Variants in CEACAM5 observed in about 807,000 individuals in gnomAD.
The protein encoded by CEACAM5 is cell adhesion molecule CEACAM5.
A neutral mutation model predicts 63.0 loss-of-function variants in CEACAM5; 52 were observed. The ratio of observed to expected loss-of-function variants is 0.83; its 90% confidence interval spans 0.66 to 1.04. CEACAM5 has a LOEUF of 1.04. CEACAM5 is among the 50% of genes least tolerant of loss of function. The probability of loss-of-function intolerance (pLI) is 0.00; values close to 1 mark genes in which losing one functional copy is unlikely to be tolerated. For synonymous variants in CEACAM5, 357 were observed against 351.3 expected (o/e 1.02, Z -0.18); for missense variants, 790 against 864.8 (o/e 0.91, Z 1.08).
intron 6 of CEACAM5, among the ~76,000 whole-genome samples, chr19:41,719,090 T>G (rs1346878344): frequency 6.6e-6 from 1 of 152,102 alleles, no homozygotes; most frequent in African/African-American, 2.4e-5. Flanking sequence ...TATGAGATTG[T>G]GGGCACAGCA....
rs1555817892 is a variant in CEACAM5, at chr19:41,729,891, C to A, written c.*744C>A. The A allele has an allele frequency of 2.6e-5, 4 of 152,140 alleles. No individual in the cohort carries two copies. The highest frequency in any genetic ancestry group is 9.7e-5 in the African/African-American group (4 of 41,442). 9.4% of individuals were successfully genotyped at this position (152,140 alleles called of 1,614,324 possible). A position where few individuals can be genotyped will look rare whatever the true frequency, so the allele number is the denominator to read the frequency against. On this transcript the variant is annotated 3_prime_UTR_variant, in exon 10 of 10. Transcript: ENST00000221992. ...ATTGTATGGTAATATAGTTATTGCA[C>A]AAGTTCAATAAAAATCTGCTCTTTG...
In CEACAM5 at chr19:41,708,741, C is replaced by T; in HGVS notation, c.10C>T (p.Pro4Ser). 1 of 1,610,926 alleles carries T rather than the reference C, an allele frequency of 6.2e-7. No individual in the cohort carries two copies. The highest frequency in any genetic ancestry group is 8.5e-7 in the Non-Finnish European group (1 of 1,178,404). Residue 4 changes from proline to serine, a missense_variant, in exon 1 of 10, where the codon CCC becomes TCC. By Grantham distance (74) the Pro-to-Ser change is moderately conservative. Transcript: ENST00000221992. MES[P>S]SAPPHRWCIP... ...GCAGACAGCAGAGACCATGGAGTCT[C>T]CCTCGGCCCCTCCCCACAGATGGTG...
At chr19:41,710,190 A>G in intron 2 of CEACAM5, 151 bp downstream of exon 2, 1 of 1,137,434 alleles carries the variant, frequency 8.8e-7, no homozygotes, top group Non-Finnish European at 1.3e-6. Flanking sequence ...CACAGAAGAG[A>G]CAAACTTCAA....
At chr19:41,711,060 G>T (rs868913000) in intron 2 of CEACAM5, among the ~76,000 whole-genome samples, 1 of 152,090 alleles carries the variant, frequency 6.6e-6, no homozygotes, top group Non-Finnish European at 1.5e-5. Flanking sequence ...GGTGGGTGGG[G>T]CTGTTTGTTG....
rs1227456183 is a variant in CEACAM5, at chr19:41,727,455, T to TTCC, written c.*36+108_*36+110dup. The TTCC allele has an allele frequency of 1.0e-5, 7 of 690,926 alleles. No individual in the cohort carries two copies. The African/African-American group carries it at 1.1e-4, about 11-fold the overall frequency. 42.8% of individuals were successfully genotyped at this position (690,926 alleles called of 1,614,324 possible). Reference sequence around the variant, plus strand: ...TCACCTGTATCTGGGACTGGATCTCTTCCTCCTACCCCCAAGCTCCTGCTT... The same window carrying TTCC: ...TCACCTGTATCTGGGACTGGATCTCTTCCTCCTCCTACCCCCAAGCTCCTGCTT... On this transcript the variant is annotated intron_variant, in intron 9 of 9. Transcript: ENST00000221992.
intron 2 of CEACAM5, among the ~76,000 whole-genome samples, chr19:41,710,408 C>A (rs1427011956): frequency 1.3e-5 from 2 of 152,136 alleles, no homozygotes; most frequent in African/African-American, 4.8e-5. Context: ...AGAAGCTCAG[C>A]CCCAGGGCTC....
At position 41,718,390 on chromosome 19, in the gene CEACAM5, G is replaced by T. The variant is rs1363971797; in HGVS notation, c.1492+8G>T. On this transcript the variant is annotated splice_region_variant and intron_variant, in intron 6 of 9. Coordinates refer to ENST00000221992, the MANE Select transcript of CEACAM5 (RefSeq NM_004363.6). Reference sequence around the variant, plus strand: ...AGACAATCACAGTCTCTGGTAAGTGGATCCCTGGACCGTTAGCAATATGTT... The same window carrying T: ...AGACAATCACAGTCTCTGGTAAGTGTATCCCTGGACCGTTAGCAATATGTT... 1 of 1,613,744 alleles carries T rather than the reference G, an allele frequency of 6.2e-7. No homozygotes were observed. Among genetic ancestry groups the T allele is most frequent in the African/African-American group, 1.3e-5 (1 of 74,922 alleles).
At position 41,729,963 on chromosome 19, in the gene CEACAM5, G is replaced by A. The variant is rs1393611125; in HGVS notation, c.*816G>A. Among the ~76,000 whole-genome samples the A allele has an allele frequency of 2.0e-5, 3 of 152,136 alleles. No homozygotes were observed. The highest frequency in any genetic ancestry group is 4.4e-5 in the Non-Finnish European group (3 of 68,018). ...ACATTGGTTATATTACCAAGACTTT[G>A]ACTAGAATGTCGTATTTGAGGATAT... On this transcript the variant is annotated 3_prime_UTR_variant, in exon 10 of 10. Coordinates refer to ENST00000221992, the MANE Select transcript of CEACAM5 (RefSeq NM_004363.6).
At chr19:41,709,541 C>T (rs1202633714) in intron 1 of CEACAM5, 139 bp from the exon 2 acceptor site, 2 of 772,298 alleles carry the variant, frequency 2.6e-6, no homozygotes, top group African/African-American at 1.7e-5. Context: ...TAGTAGGACA[C>T]ACACACACAC....
chr19:41,710,030 C>T lies in CEACAM5; in HGVS notation c.415C>T (p.Arg139Trp), dbSNP rs200369485. ...GAATGAAGAAGCAACTGGCCAGTTC[C>T]GGGTATACCGTGAGTGATTCCCCCA... ...LVNEEATGQFRVYPELPKPSI... is the reference protein window; with the variant it reads ...LVNEEATGQFWVYPELPKPSI... The change falls in exon 2 of 10, where the codon CGG (arginine) becomes TGG (tryptophan). Residue 139 changes from arginine to tryptophan, a missense_variant. Arg to Trp is a moderately radical substitution (Grantham distance 101). Transcript: ENST00000221992. 1.4e-4 allele frequency: 221 copies of T among 1,598,610 alleles called. 1 individual carries two copies. In the East Asian group the frequency reaches 2.8e-3, roughly 20 times the overall value.
intron 2 of CEACAM5, among the ~76,000 whole-genome samples, chr19:41,713,170 T>TGGC (rs1227360244): frequency 3.3e-5 from 5 of 152,130 alleles, no homozygotes; most frequent in Non-Finnish European, 5.9e-5. Flanking sequence ...CTGGGCGTGG[T>TGGC]GGCATGCACC....
intron 7 of CEACAM5, 99 bp from the exon 8 acceptor site, chr19:41,720,823 T>C (rs1421247762): frequency 6.8e-7 from 1 of 1,478,134 alleles, no homozygotes; most frequent in African/African-American, 1.4e-5. Context: ...TAACACAGGA[T>C]TGGGACAGGA....
chr19:41,720,890 C>T (rs374510475), intron 7 of CEACAM5, 32 bp from the exon 8 acceptor site: 1 of 1,611,482 alleles, frequency 6.2e-7, no homozygotes, highest in Non-Finnish European at 8.5e-7. Flanking sequence ...CCTCTGATGA[C>T]ATCACCTGTG....
chr19:41,725,249 T>G (rs2072682697), intron 8 of CEACAM5, among the ~76,000 whole-genome samples: 1 of 152,208 alleles, frequency 6.6e-6, no homozygotes, highest in African/African-American at 2.4e-5. Flanking sequence ...ATTTGTCCAT[T>G]TCATCTAGGT....
chr19:41,725,288 T>C (rs2072683275), intron 8 of CEACAM5, among the ~76,000 whole-genome samples: 1 of 152,206 alleles, frequency 6.6e-6, no homozygotes, highest in Non-Finnish European at 1.5e-5. Context: ...CATACAATTA[T>C]TCATAGCATT....
chr19:41,730,183 C>T lies in CEACAM5; in HGVS notation c.*1036C>T, dbSNP rs1241040793. 1.3e-5 allele frequency among the ~76,000 whole-genome samples: 2 copies of T among 152,024 alleles called. No homozygotes were observed. Among genetic ancestry groups the T allele is most frequent in the African/African-American group, 2.4e-5 (1 of 41,388 alleles). The stretch of plus-strand genomic sequence containing the variant: ...CGCCTGTAATCCCAGCACTTTGATC[C>T]GCCGAGGCGGGCGGATCACGAGGTC... On this transcript the variant is annotated 3_prime_UTR_variant, in exon 10 of 10. Coordinates refer to ENST00000221992, the MANE Select transcript of CEACAM5 (RefSeq NM_004363.6).
At chr19:41,728,080 T>C (rs2072723888) in intron 9 of CEACAM5, among the ~76,000 whole-genome samples, 1 of 152,146 alleles carries the variant, frequency 6.6e-6, no homozygotes, top group South Asian at 2.1e-4. Context: ...AACCTGTGAG[T>C]CTTAAGCTCA....
intron 8 of CEACAM5, among the ~76,000 whole-genome samples, chr19:41,725,633 A>G (rs1382016692): frequency 6.6e-6 from 1 of 152,012 alleles, no homozygotes; most frequent in Non-Finnish European, 1.5e-5. Flanking sequence ...TGAGTCTCCC[A>G]ATGTGCTGGG....
chr19:41,715,990 T>C (rs1600463146), intron 4 of CEACAM5, 86 bp downstream of exon 4: 2 of 1,505,564 alleles, frequency 1.3e-6, no homozygotes. Context: ...ACATTTTCTA[T>C]CCCAGCCTGT....
Sources: gnomAD v4.1 joint callset for allele counts (sites outside exome capture counted in the v4.1 genomes callset) on GRCh38, gnomAD v4.1.1 for gene constraint, MANE v1.5 for transcripts, NCBI Gene and HGNC (gene_info 2026-07-23, HGNC 2026-07-21) for gene names.